Variants in PTPRD observed in about 807,000 individuals in gnomAD.
PTPRD encodes the protein receptor-type tyrosine-protein phosphatase delta.
In PTPRD, 34 loss-of-function variants were observed where a neutral mutation model predicts 214.5. The ratio of observed to expected loss-of-function variants is 0.16; its 90% confidence interval spans 0.12 to 0.21. PTPRD has a LOEUF of 0.21. Among genes scored for constraint, PTPRD ranks in the 10% least tolerant of loss-of-function variants. The pLI, the probability that PTPRD is intolerant of heterozygous loss-of-function variation, is 1.00. For missense variants in PTPRD, 2,545 were observed against 2,398.7 expected (o/e 1.06, Z -1.27); for synonymous variants, 1,128 against 845.7 (o/e 1.33, Z -5.79).
chr9:10,294,197 G>C (rs778038866), intron 3 of PTPRD, among the ~76,000 whole-genome samples: 2 of 151,872 alleles, frequency 1.3e-5, no homozygotes, highest in Non-Finnish European at 2.9e-5. Flanking sequence ...AATTTCCCAA[G>C]TTTATTGATA....
chr9:10,103,049 T>C (rs2154216145), intron 3 of PTPRD, among the ~76,000 whole-genome samples: 1 of 151,708 alleles, frequency 6.6e-6, no homozygotes, highest in South Asian at 2.1e-4. Flanking sequence ...ACATGTTAAA[T>C]TTAATAATGT....
intron 3 of PTPRD, among the ~76,000 whole-genome samples, chr9:10,040,217 A>G (rs1467516549): frequency 6.6e-6 from 1 of 152,052 alleles, no homozygotes; most frequent in Non-Finnish European, 1.5e-5. Flanking sequence ...TGTGCTGTTG[A>G]CCAGAGAACC....
intron 2 of PTPRD, among the ~76,000 whole-genome samples, chr9:10,567,330 A>C (rs937405969): frequency 3.9e-5 from 6 of 152,182 alleles, no homozygotes; most frequent in African/African-American, 1.4e-4. Flanking sequence ...ATTCATAATA[A>C]TACAAATTTC....
At chr9:10,406,320 T>C (rs2154501308) in intron 2 of PTPRD, among the ~76,000 whole-genome samples, 1 of 151,656 alleles carries the variant, frequency 6.6e-6, no homozygotes, top group South Asian at 2.1e-4. Context: ...GATTTAATTA[T>C]AAAACTAATA....
At chr9:8,726,969 G>A (rs1040541603) in intron 12 of PTPRD, among the ~76,000 whole-genome samples, 3 of 151,622 alleles carry the variant, frequency 2.0e-5, no homozygotes, top group East Asian at 1.9e-4. Context: ...GCCAGACCCT[G>A]TCTCAAAAAA....
chr9:9,186,524 T>C (rs2099931602), intron 9 of PTPRD, among the ~76,000 whole-genome samples: 1 of 152,034 alleles, frequency 6.6e-6, no homozygotes, highest in Non-Finnish European at 1.5e-5. Flanking sequence ...GGTGGGAAGA[T>C]CGATTGAGCT....
intron 3 of PTPRD, among the ~76,000 whole-genome samples, chr9:10,122,633 A>C (rs1269565657): frequency 1.3e-5 from 2 of 152,218 alleles, no homozygotes; most frequent in South Asian, 2.1e-4. Flanking sequence ...CATTGGGCTC[A>C]ATTAAACATT....
intron 4 of PTPRD, among the ~76,000 whole-genome samples, chr9:10,027,530 T>A (rs2096950150): frequency 6.6e-6 from 1 of 152,166 alleles, no homozygotes; most frequent in African/African-American, 2.4e-5. Flanking sequence ...ATGTCATGTG[T>A]ATTATAAAAT....
intron 4 of PTPRD, among the ~76,000 whole-genome samples, chr9:9,991,940 A>G (rs1481516569): frequency 6.6e-6 from 1 of 152,106 alleles, no homozygotes; most frequent in Non-Finnish European, 1.5e-5. Flanking sequence ...TCAGCAATAA[A>G]AAGGAGTGAA....
intron 5 of PTPRD, among the ~76,000 whole-genome samples, chr9:9,932,290 G>C (rs544750023): frequency 6.8e-6 from 1 of 147,340 alleles, no homozygotes; most frequent in Admixed American, 6.7e-5. Flanking sequence ...AGCTACGGGA[G>C]GACATTCAAA....
intron 5 of PTPRD, among the ~76,000 whole-genome samples, chr9:9,852,858 G>A (rs2060805183): frequency 6.6e-6 from 1 of 151,992 alleles, no homozygotes; most frequent in South Asian, 2.1e-4. Context: ...AATCACATAA[G>A]ATATGCATAA....
intron 8 of PTPRD, among the ~76,000 whole-genome samples, chr9:9,457,637 G>A (rs1465086230): frequency 6.6e-6 from 1 of 152,024 alleles, no homozygotes; most frequent in Non-Finnish European, 1.5e-5. Context: ...GTGAGTTTTA[G>A]AGACATGTTC....
At chr9:8,826,197 C>G in intron 11 of PTPRD, among the ~76,000 whole-genome samples, 1 of 150,544 alleles carries the variant, frequency 6.6e-6, no homozygotes, top group East Asian at 1.9e-4. Flanking sequence ...TCATTGCCAC[C>G]ACCATCTCTC....
At chr9:8,694,800 G>A (rs759112251) in intron 12 of PTPRD, among the ~76,000 whole-genome samples, 1 of 152,070 alleles carries the variant, frequency 6.6e-6, no homozygotes, top group Non-Finnish European at 1.5e-5. Context: ...CTTCGGAGCT[G>A]CTTAAATCTT....
chr9:10,267,296 G>A (rs1039607976), intron 3 of PTPRD, among the ~76,000 whole-genome samples: 1 of 151,758 alleles, frequency 6.6e-6, no homozygotes, highest in Non-Finnish European at 1.5e-5. Context: ...ATAAAAAATA[G>A]ATATACAAAT....
intron 35 of PTPRD, among the ~76,000 whole-genome samples, chr9:8,428,998 C>A (rs554920230): frequency 1.3e-5 from 2 of 152,150 alleles, no homozygotes; most frequent in Admixed American, 6.5e-5. Flanking sequence ...CGGAGAAATA[C>A]AATGTTTACT....
chr9:9,256,649 A>C (rs1160410058), intron 9 of PTPRD, among the ~76,000 whole-genome samples: 2 of 151,990 alleles, frequency 1.3e-5, no homozygotes, highest in Non-Finnish European at 2.9e-5. Flanking sequence ...TTTCTATTAT[A>C]AGACAGTACT....
At chr9:10,551,334 G>C in intron 2 of PTPRD, among the ~76,000 whole-genome samples, 1 of 152,094 alleles carries the variant, frequency 6.6e-6, no homozygotes, top group South Asian at 2.1e-4. Context: ...GGGAGACCTT[G>C]TCACCAAAAA....
intron 27 of PTPRD, among the ~76,000 whole-genome samples, chr9:8,491,633 T>C (rs2097152044): frequency 6.9e-6 from 1 of 145,290 alleles, no homozygotes; most frequent in East Asian, 2.0e-4. Context: ...TTCAGGGCAT[T>C]AAATTAGCTT....
Sources: allele counts gnomAD v4.1 joint callset (sites outside exome capture counted in the v4.1 genomes callset), GRCh38; gene constraint gnomAD v4.1.1; transcripts MANE v1.5; gene names NCBI Gene and HGNC (gene_info 2026-07-23, HGNC 2026-07-21).